SBNO2: variants seen among roughly 807,000 people sequenced by gnomAD.
SBNO2 encodes strawberry notch homolog 2.
A neutral mutation model predicts 146.3 loss-of-function variants in SBNO2; 89 were observed. The observed-to-expected ratio is 0.61, with a 90% CI of 0.51 to 0.73. The LOEUF (loss-of-function observed/expected upper bound fraction) is 0.73. SBNO2 is among the 30% of genes least tolerant of loss of function. The pLI is 0.00. For missense variants in SBNO2, 2,092 were observed against 2,003.7 expected (o/e 1.04, Z -0.84); for synonymous variants, 1,147 against 892.6 (o/e 1.29, Z -5.08).
At position 1,123,647 on chromosome 19, in the gene SBNO2, C is replaced by A. The variant is rs769696386; in HGVS notation, c.523-8G>T. On this transcript the variant is annotated splice_polypyrimidine_tract_variant and splice_region_variant and intron_variant, in intron 6 of 31. Coordinates refer to ENST00000361757, the MANE Select transcript of SBNO2 (RefSeq NM_014963.3). ...GCTCTGCACACTCTGCTCCTGCGTG[C>A]GTGGCGGGAGCTCAGCGGAGACTGC... 2.5e-6 allele frequency: 4 copies of A among 1,607,034 alleles called. No homozygotes were observed. Among genetic ancestry groups the A allele is most frequent in the Non-Finnish European group, 3.4e-6 (4 of 1,177,016 alleles).
Position 1,110,965 on chromosome 19 carries a change from G to A in SBNO2, c.2884+54C>T, listed in dbSNP as rs1410908828. 2 of 1,610,354 alleles carry A rather than the reference G, an allele frequency of 1.2e-6. No homozygotes were observed. The highest frequency in any genetic ancestry group is 1.1e-5 in the South Asian group (1 of 90,838). ...GCTTTGCTCACCACCCGAGGCCAAG[G>A]TTGCATGAGATGAGAGACAGGAGCG... is the stretch of plus-strand genomic sequence containing the variant. On this transcript the variant is annotated intron_variant, in intron 25 of 31. Transcript: ENST00000361757. The surrounding 1 kb of genome is among the most constrained non-coding windows in gnomAD (Gnocchi z 4.9).
intron 13 of SBNO2, 44 bp downstream of exon 13, chr19:1,119,472 C>A: frequency 7.0e-7 from 1 of 1,421,926 alleles, no homozygotes; most frequent in Non-Finnish European, 9.7e-7. Context: ...AGGCCTCCTC[C>A]CCACCCCCCG....
In SBNO2 at chr19:1,108,218, T is replaced by G. The variant is rs767911057; in HGVS notation, c.*2A>C. 2.0e-6 allele frequency: 3 copies of G among 1,526,618 alleles called. No homozygotes were observed. The highest frequency in any genetic ancestry group is 1.4e-5 in the African/African-American group (1 of 70,384). The allele number at this position is 1,526,618 out of a possible 1,614,324, so 94.6% of individuals were successfully genotyped here. On this transcript the variant is annotated 3_prime_UTR_variant, in exon 32 of 32. Coordinates refer to ENST00000361757, the MANE Select transcript of SBNO2 (RefSeq NM_014963.3). ...TTGGGGCATGTTTCGCCTAAAGGCG[T>G]GTCAGAGAGGAGCCTGGGCGCCGGG...
chr19:1,132,555 C>A (rs1256308055), intron 4 of SBNO2, among the ~76,000 whole-genome samples: 1 of 152,206 alleles, frequency 6.6e-6, no homozygotes, highest in East Asian at 1.9e-4. Context: ...CGGGGACCAG[C>A]TGCTGTTCCT....
chr19:1,161,109 G>C, intron 1 of SBNO2, among the ~76,000 whole-genome samples: 1 of 72,390 alleles, frequency 1.4e-5, no homozygotes, highest in Non-Finnish European at 2.8e-5. Flanking sequence ...GTGGGGGTGG[G>C]GGTGCCTGAG....
chr19:1,123,640 C>A lies in SBNO2; in HGVS notation c.523-1G>T. 1 of 1,610,908 alleles carries A rather than the reference C, an allele frequency of 6.2e-7. No individual in the cohort carries two copies. The highest frequency in any genetic ancestry group is 1.1e-5 in the South Asian group (1 of 90,720). ...CTGGCTGGCTCTGCACACTCTGCTC[C>A]TGCGTGCGTGGCGGGAGCTCAGCGG... On this transcript the variant is annotated splice_acceptor_variant, in intron 6 of 31. Coordinates refer to ENST00000361757, the MANE Select transcript of SBNO2 (RefSeq NM_014963.3). LOFTEE classifies it high-confidence loss of function.
In SBNO2 at chr19:1,112,543, G is replaced by A; in HGVS notation, c.2380-6C>T. 2.5e-6 allele frequency: 4 copies of A among 1,594,494 alleles called. No individual in the cohort carries two copies. The highest frequency in any genetic ancestry group is 2.2e-5 in the South Asian group (2 of 89,414). ...TCCGAGATGATGGCCACGAGCTAGG[G>A]GGAAAGAAGGGGCCGGGACACGGTT... On this transcript the variant is annotated splice_region_variant and splice_polypyrimidine_tract_variant and intron_variant, in intron 20 of 31. Transcript: ENST00000361757. This position sits in a 1 kb window ranked among gnomAD's most constrained non-coding sequence, Gnocchi z 5.9.
At chr19:1,117,578 C>G in intron 14 of SBNO2, 79 bp from the exon 15 acceptor site, 2 of 1,446,080 alleles carry the variant, frequency 1.4e-6, no homozygotes, top group South Asian at 2.7e-5. Context: ...CTGCCGCCAG[C>G]CCTGGGCAAG....
At chr19:1,120,605 A>G (rs868799065) in intron 11 of SBNO2, among the ~76,000 whole-genome samples, 2 of 152,078 alleles carry the variant, frequency 1.3e-5, no homozygotes, top group African/African-American at 2.4e-5. Flanking sequence ...TCCTGACCTC[A>G]AGTGACCTGC....
intron 6 of SBNO2, 42 bp from the exon 7 acceptor site, chr19:1,123,681 G>C (rs2079932180): frequency 6.4e-7 from 1 of 1,552,818 alleles, no homozygotes; most frequent in East Asian, 2.4e-5. Flanking sequence ...GCAGGCCTGA[G>C]CGGCCGCGGG....
chr19:1,120,894 CT>C (rs953155195), intron 11 of SBNO2, among the ~76,000 whole-genome samples: 77 of 143,862 alleles, frequency 5.4e-4, no homozygotes, highest in Non-Finnish European at 5.8e-4. Context: ...GTCTGGAACT[CT>C]TTTTTTTTTT....
intron 1 of SBNO2, among the ~76,000 whole-genome samples, chr19:1,163,680 C>T (rs910425888): frequency 1.3e-5 from 2 of 152,222 alleles, no homozygotes; most frequent in Non-Finnish European, 2.9e-5. Context: ...GACCCTGCCA[C>T]GCGCAGGCAC....
At chr19:1,139,432 C>T (rs1251751238) in intron 4 of SBNO2, among the ~76,000 whole-genome samples, 1 of 152,070 alleles carries the variant, frequency 6.6e-6, no homozygotes, top group Non-Finnish European at 1.5e-5. Flanking sequence ...CAGCTCTGGA[C>T]TTTGTAACAG....
At position 1,116,021 on chromosome 19, in the gene SBNO2, G is replaced by A. The variant is rs1487188295; in HGVS notation, c.1885C>T (p.Arg629Trp). The A allele has an allele frequency of 3.1e-6, 5 of 1,609,034 alleles. No homozygotes were observed. Among genetic ancestry groups the A allele is most frequent in the South Asian group, 2.2e-5 (2 of 90,832 alleles). Residue 629 changes from arginine to tryptophan, a missense_variant and splice_region_variant, in exon 17 of 32, where the codon CGG becomes TGG. Transcript: ENST00000361757. ...RDRGAGSKRK[R>W]RPRGRGAKAP... ...TGGGGCCATGGGGGGCAGGGCTTAC[G>A]TTTCCGCTTGCTGCCCGCTCCTCTG... is the stretch of plus-strand genomic sequence containing the variant.
rs2079805239 is a variant in SBNO2, at chr19:1,114,350, T to A, written c.1958A>T (p.Asp653Val). The A allele has an allele frequency of 1.3e-6, 2 of 1,557,448 alleles. No homozygotes were observed. The change falls in exon 18 of 32, where the codon GAC becomes GTC. Residue 653 changes from aspartate to valine, a missense_variant. Transcript: ENST00000361757. Reference sequence around the variant, plus strand: ...AGGGTCCGACTCCGTGCTGCTGTCGTCACTGATGCGGATGACGCCCGCTGT... The same window carrying A: ...AGGGTCCGACTCCGTGCTGCTGTCGACACTGATGCGGATGACGCCCGCTGT... Reference protein sequence around the residue: ...CETAGVIRISDDSSTESDPGL... With the variant: ...CETAGVIRISVDSSTESDPGL...
chr19:1,114,769 G>A (rs2079811464), intron 17 of SBNO2, among the ~76,000 whole-genome samples: 1 of 152,052 alleles, frequency 6.6e-6, no homozygotes, highest in African/African-American at 2.4e-5. Flanking sequence ...TGAGTAGGTG[G>A]GATTACAGGC....
intron 1 of SBNO2, among the ~76,000 whole-genome samples, chr19:1,169,634 C>T (rs372585849): frequency 3.0e-4 from 46 of 152,254 alleles, no homozygotes; most frequent in African/African-American, 9.1e-4. Context: ...CGGGTTGAGA[C>T]AGGACAGCTG....
intron 4 of SBNO2, 49 bp from the exon 5 acceptor site, chr19:1,127,814 G>A (rs2079984042): frequency 1.4e-5 from 22 of 1,570,714 alleles, no homozygotes; most frequent in Non-Finnish European, 1.9e-5. Context: ...AGACACCAAG[G>A]CCCCTCCACG....
intron 4 of SBNO2, among the ~76,000 whole-genome samples, chr19:1,141,015 A>ACG (rs2080130589): frequency 5.3e-5 from 8 of 151,952 alleles, no homozygotes; most frequent in African/African-American, 1.9e-4. Context: ...CCTGGAGAAG[A>ACG]CACACCCTGG....
Sources: gnomAD v4.1 joint callset for allele counts (sites outside exome capture counted in the v4.1 genomes callset) on GRCh38, gnomAD v4.1.1 for gene constraint, Gnocchi (gnomAD v3.1) non-coding constraint, MANE v1.5 for transcripts, NCBI Gene and HGNC (gene_info 2026-07-23, HGNC 2026-07-21) for gene names.